The following UBE2O variants were observed in gnomAD, a reference collection of about 807,000 sequenced individuals.
UBE2O encodes the protein (E3-independent) E2 ubiquitin-conjugating enzyme.
UBE2O carries 15 observed loss-of-function variants against 125.8 expected under a neutral mutation model. That is an observed-to-expected ratio of 0.12 (90% CI 0.08 to 0.18). UBE2O has a LOEUF of 0.18. Ranked by LOEUF, UBE2O falls within the 10% of genes least tolerant of loss-of-function variation. The pLI, the probability that UBE2O is intolerant of heterozygous loss-of-function variation, is 1.00. For missense variants in UBE2O, 1,280 were observed against 1,723.6 expected (o/e 0.74, Z 4.56); for synonymous variants, 708 against 703.2 (o/e 1.01, Z -0.11).
Position 76,390,653 on chromosome 17 carries a change from A to C in UBE2O, c.*290T>G. On this transcript the variant is annotated 3_prime_UTR_variant, in exon 18 of 18. Coordinates refer to ENST00000319380, the MANE Select transcript of UBE2O (RefSeq NM_022066.4). ...GCCTCTGACCTGAGAAGGGGCAGCA[A>C]GGGAGCAAGTGCCGGACATTCTGCT... The C allele has an allele frequency of 6.3e-6, 2 of 315,932 alleles. No individual in the cohort carries two copies. Among genetic ancestry groups the C allele is most frequent in the East Asian group, 6.3e-5 (1 of 15,894 alleles). 19.6% of individuals were successfully genotyped at this position (315,932 alleles called of 1,614,324 possible). A position where few individuals can be genotyped will look rare whatever the true frequency, so the allele number is the denominator to read the frequency against.
rs1320522535 is a variant in UBE2O, at chr17:76,391,713, C to G, written c.3208+43G>C. 6.2e-7 allele frequency: 1 copy of G among 1,611,346 alleles called. No homozygotes were observed. Among genetic ancestry groups the G allele is most frequent in the African/African-American group, 1.3e-5 (1 of 74,902 alleles). ...GGACTATCAGAGTCACTTTCCTCCACCGGCCCTCCCTTGTCCGCACCCCCG... is the reference window on the plus strand; with the variant it reads ...GGACTATCAGAGTCACTTTCCTCCAGCGGCCCTCCCTTGTCCGCACCCCCG... On this transcript the variant is annotated intron_variant, in intron 17 of 17. Coordinates refer to ENST00000319380, the MANE Select transcript of UBE2O (RefSeq NM_022066.4). This position sits in a 1 kb window ranked among gnomAD's most constrained non-coding sequence, Gnocchi z 8.4.
Position 76,424,395 on chromosome 17 carries a change from G to A in UBE2O, c.418-18823C>T, listed in dbSNP as rs796178810. On this transcript the variant is annotated intron_variant, in intron 1 of 17. Transcript: ENST00000319380. The stretch of plus-strand genomic sequence containing the variant: ...TGCTAATTTTTTGTATTTTTGTAGA[G>A]ACAGGGTTTCACCATATTGGCCAGG... Among the ~76,000 whole-genome samples, 4 of 150,696 alleles carry A rather than the reference G, an allele frequency of 2.7e-5. No individual in the cohort carries two copies. The South Asian group carries it at 8.4e-4, about 32-fold the overall frequency.
At chr17:76,394,132 TG>T (rs1355076170) in intron 15 of UBE2O, among the ~76,000 whole-genome samples, 2 of 152,218 alleles carry the variant, frequency 1.3e-5, no homozygotes, top group Non-Finnish European at 2.9e-5. Flanking sequence ...GTTCCAGGGT[TG>T]TGGCTACTCC....
intron 15 of UBE2O, among the ~76,000 whole-genome samples, chr17:76,394,639 T>G (rs1598580025): frequency 6.6e-6 from 1 of 152,176 alleles, no homozygotes; most frequent in African/African-American, 2.4e-5. Context: ...AATATTTTTT[T>G]AGTGTATAAA....
At chr17:76,397,969 A>G in intron 12 of UBE2O, 81 bp from the exon 13 acceptor site, 1 of 1,451,224 alleles carries the variant, frequency 6.9e-7, no homozygotes, top group Admixed American at 1.7e-5. Context: ...GCAGTGACTG[A>G]CATCATGCCC....
At position 76,410,906 on chromosome 17, in the gene UBE2O, C is replaced by T. The variant is rs1439272549; in HGVS notation, c.418-5334G>A. ...CCAGACTCTCATTCATAACACTGAC[C>T]TTGACTGACCAGGTGGAATCCAAAT... On this transcript the variant is annotated intron_variant, in intron 1 of 17. Transcript: ENST00000319380. The surrounding 1 kb of genome is among the most constrained non-coding windows in gnomAD (Gnocchi z 4.0). Among the ~76,000 whole-genome samples, 1 of 152,182 alleles carries T rather than the reference C, an allele frequency of 6.6e-6. No individual in the cohort carries two copies. The highest frequency in any genetic ancestry group is 1.5e-5 in the Non-Finnish European group (1 of 68,034).
chr17:76,402,201 C>A lies in UBE2O; in HGVS notation c.687-74G>T, dbSNP rs2072339086. ...ACCAAAAAGTTGCGATTCTGAGATG[C>A]CAATGCGCCCACATGCCCTAAATAG... On this transcript the variant is annotated intron_variant, in intron 4 of 17. Coordinates refer to ENST00000319380, the MANE Select transcript of UBE2O (RefSeq NM_022066.4). The surrounding 1 kb of genome is among the most constrained non-coding windows in gnomAD (Gnocchi z 5.4). 5 of 1,353,818 alleles carry A rather than the reference C, an allele frequency of 3.7e-6. No individual in the cohort carries two copies. Among genetic ancestry groups the A allele is most frequent in the Non-Finnish European group, 5.2e-6 (5 of 957,292 alleles). The allele number at this position is 1,353,818 out of a possible 1,614,324, so 83.9% of individuals were successfully genotyped here.
At chr17:76,433,898 G>A (rs1179452178) in intron 1 of UBE2O, among the ~76,000 whole-genome samples, 1 of 152,128 alleles carries the variant, frequency 6.6e-6, no homozygotes, top group Non-Finnish European at 1.5e-5. Context: ...CAGGCGTGGC[G>A]GTGCGCGCCT....
At chr17:76,414,691 G>A (rs954527778) in intron 1 of UBE2O, among the ~76,000 whole-genome samples, 1 of 152,256 alleles carries the variant, frequency 6.6e-6, no homozygotes, top group African/African-American at 2.4e-5. Context: ...AGAGAAAGGG[G>A]ACTGAGTCCA....
rs755044197 is a variant in UBE2O at position 76,401,143 on chromosome 17, G to C, written c.762C>G (p.Phe254Leu). 8 of 1,613,680 alleles carry C rather than the reference G, an allele frequency of 5.0e-6. No homozygotes were observed. Among genetic ancestry groups the C allele is most frequent in the Non-Finnish European group, 5.9e-6 (7 of 1,179,994 alleles). Residue 254 changes from phenylalanine (F) to leucine (L), a missense_variant, in exon 6 of 18, where the codon TTC becomes TTG. By Grantham distance (22) the Phe-to-Leu change is conservative (BLOSUM62 0). Transcript: ENST00000319380. Reference sequence around the variant, plus strand: ...CTGGGTAGAAGCCATAGGAATCATCGAAGAAGAGACCCTGCGGGATGTGGG... The same window carrying C: ...CTGGGTAGAAGCCATAGGAATCATCCAAGAAGAGACCCTGCGGGATGTGGG... ...CPHVSDSGLF[F>L]DDSYGFYPGQ...
intron 15 of UBE2O, among the ~76,000 whole-genome samples, chr17:76,393,366 GCGAT>G (rs1181081565): frequency 4.0e-5 from 6 of 151,686 alleles, no homozygotes; most frequent in Middle Eastern, 3.4e-3. Flanking sequence ...CCAGGTTCAA[GCGAT>G]TCTCTGCTTC....
Position 76,396,118 on chromosome 17 carries a change from GC to G in UBE2O, c.2809+9del, listed in dbSNP as rs777234308. 4.3e-5 allele frequency: 70 copies of G among 1,610,520 alleles called. No individual in the cohort carries two copies. The East Asian group carries it at 1.5e-3, about 34-fold the overall frequency. On this transcript the variant is annotated intron_variant, in intron 14 of 17. Coordinates refer to ENST00000319380, the MANE Select transcript of UBE2O (RefSeq NM_022066.4). This position sits in a 1 kb window ranked among gnomAD's most constrained non-coding sequence, Gnocchi z 6.7. The stretch of plus-strand genomic sequence containing the variant: ...GGGGGAAGGCGAAGACCAGGCAAGG[GC>G]TGACTCACAGGGTGCAAACTCCAGT...
At chr17:76,406,866 A>AT (rs2072433250) in intron 1 of UBE2O, among the ~76,000 whole-genome samples, 1 of 151,694 alleles carries the variant, frequency 6.6e-6, no homozygotes, top group Non-Finnish European at 1.5e-5. Flanking sequence ...CGCCCGGCTA[A>AT]TTTTTGTATT....
In UBE2O at chr17:76,396,901, T is replaced by C; in HGVS notation, c.2116-80A>G. 8.0e-7 allele frequency: 1 copy of C among 1,256,106 alleles called. No individual in the cohort carries two copies. Among genetic ancestry groups the C allele is most frequent in the Non-Finnish European group, 1.1e-6 (1 of 907,010 alleles). 77.8% of individuals were successfully genotyped at this position (1,256,106 alleles called of 1,614,324 possible). On this transcript the variant is annotated intron_variant, in intron 13 of 17. Coordinates refer to ENST00000319380, the MANE Select transcript of UBE2O (RefSeq NM_022066.4). This position sits in a 1 kb window ranked among gnomAD's most constrained non-coding sequence, Gnocchi z 6.7. ...ACTAAGGAGGAGCTCTGGGGATCCC[T>C]GATCCGCACAGCTGATGGCGACTGG...
intron 1 of UBE2O, among the ~76,000 whole-genome samples, chr17:76,444,060 A>G (rs2073117299): frequency 6.7e-6 from 1 of 150,208 alleles, no homozygotes; most frequent in South Asian, 2.1e-4. Flanking sequence ...GTCTCTGCTA[A>G]AAAGACAAAT....
intron 1 of UBE2O, among the ~76,000 whole-genome samples, chr17:76,425,225 C>CAAAAAAAAAAAAAAAAAAAA (rs58377572): frequency 4.2e-5 from 4 of 95,080 alleles, no homozygotes; most frequent in African/African-American, 1.4e-4. Context: ...GTCCTTTCGA[C>CAAAAAAAAAAAAAAAAAAAA]AAAAAAAAAA....
Position 76,396,391 on chromosome 17 carries a change from C to A in UBE2O, c.2546G>T (p.Arg849Leu). ...GATGTCATCCAGAAACTTCTTCTCCCGAGTTGGCTTCTCAGGCTCCACAGT... is the reference window on the plus strand; with the variant it reads ...GATGTCATCCAGAAACTTCTTCTCCAGAGTTGGCTTCTCAGGCTCCACAGT... Reference protein sequence around the residue: ...SPTVEPEKPTREKKFLDDIKK... With the variant: ...SPTVEPEKPTLEKKFLDDIKK... Residue 849 changes from arginine (R) to leucine (L), a missense_variant, in exon 14 of 18, where the codon CGG becomes CTG. This residue lies in a region of UBE2O where 210 missense variants were observed against 268.9 expected (regional missense o/e 0.78). Coordinates refer to ENST00000319380, the MANE Select transcript of UBE2O (RefSeq NM_022066.4). The surrounding 1 kb of genome is among the most constrained non-coding windows in gnomAD (Gnocchi z 6.7). The A allele has an allele frequency of 6.2e-7, 1 of 1,614,180 alleles. No individual in the cohort carries two copies. Among genetic ancestry groups the A allele is most frequent in the Non-Finnish European group, 8.5e-7 (1 of 1,180,036 alleles).
chr17:76,416,090 T>C (rs1296641498), intron 1 of UBE2O, among the ~76,000 whole-genome samples: 1 of 151,660 alleles, frequency 6.6e-6, no homozygotes, highest in Non-Finnish European at 1.5e-5. Context: ...CATATGTACA[T>C]ACATGTATAT....
intron 1 of UBE2O, among the ~76,000 whole-genome samples, chr17:76,450,944 T>C (rs2073230348): frequency 1.3e-5 from 2 of 152,194 alleles, no homozygotes; most frequent in African/African-American, 2.4e-5. Flanking sequence ...AACTCCAAAA[T>C]AGGTATTTCA....
Sources: gnomAD v4.1 joint callset for allele counts (sites outside exome capture counted in the v4.1 genomes callset) on GRCh38, gnomAD v4.1.1 for gene constraint, gnomAD v4.1.1 regional missense constraint, Gnocchi (gnomAD v3.1) non-coding constraint, MANE v1.5 for transcripts, NCBI Gene and HGNC (gene_info 2026-07-23, HGNC 2026-07-21) for gene names.